The following CACNA1C variants were observed in gnomAD, a reference collection of about 807,000 sequenced individuals.
The protein encoded by CACNA1C is voltage-dependent L-type calcium channel subunit alpha-1C.
Under a neutral mutation model 229.0 loss-of-function variants are expected in CACNA1C, and 30 were observed. That is an observed-to-expected ratio of 0.13 (90% CI 0.10 to 0.18). The LOEUF is 0.18. CACNA1C is among the 10% of genes least tolerant of loss of function. CACNA1C has a pLI of 1.00. For synonymous variants in CACNA1C, 1,114 were observed against 1,132.5 expected (o/e 0.98, Z 0.33); for missense variants, 1,658 against 2,845.0 (o/e 0.58, Z 9.49).
Position 2,067,303 on chromosome 12 carries a change from A to G in CACNA1C, c.49+13692A>G, listed in dbSNP as rs538922445. The stretch of plus-strand genomic sequence containing the variant: ...GGTGGATTAGTCATCAGAATAGCCA[A>G]TGGGCCCCTTGAGCTCTGAGTGGAT... On this transcript the variant is annotated intron_variant, in intron 1 of 46. Transcript: ENST00000399655. The surrounding 1 kb of genome is among the most constrained non-coding windows in gnomAD (Gnocchi z 5.3). Among the ~76,000 whole-genome samples the G allele has an allele frequency of 9.7e-4, 147 of 152,174 alleles. No individual in the cohort carries two copies. Among genetic ancestry groups the G allele is most frequent in the African/African-American group, 3.3e-3 (138 of 41,524 alleles).
intron 38 of CACNA1C, among the ~76,000 whole-genome samples, chr12:2,670,302 G>A (rs536673982): frequency 5.9e-5 from 9 of 152,264 alleles, no homozygotes; most frequent in African/African-American, 1.9e-4. Flanking sequence ...AAGGAGCCCC[G>A]GGCAGGTGGG....
chr12:2,319,274 G>T lies in CACNA1C; in HGVS notation c.478-129702G>T, dbSNP rs1182942654. 6.6e-6 allele frequency among the ~76,000 whole-genome samples: 1 copy of T among 151,970 alleles called. No homozygotes were observed. The highest frequency in any genetic ancestry group is 1.5e-5 in the Non-Finnish European group (1 of 67,944). On this transcript the variant is annotated intron_variant, in intron 3 of 46. Transcript: ENST00000399655. This position sits in a 1 kb window ranked among gnomAD's most constrained non-coding sequence, Gnocchi z 4.0. Reference sequence around the variant, plus strand: ...TGTACATGGGGGCGGCGTGCATGGTGGGTGGCCTGTGGGGGCAGCGTGCAT... The same window carrying T: ...TGTACATGGGGGCGGCGTGCATGGTTGGTGGCCTGTGGGGGCAGCGTGCAT...
chr12:2,299,307 A>G (rs1004258909), intron 3 of CACNA1C, among the ~76,000 whole-genome samples: 4 of 152,110 alleles, frequency 2.6e-5, no homozygotes, highest in African/African-American at 7.2e-5. Context: ...AAGTTTTCCA[A>G]GTGGTTCTCG....
intron 3 of CACNA1C, among the ~76,000 whole-genome samples, chr12:2,349,538 C>T (rs948117076): frequency 1.3e-5 from 2 of 152,152 alleles, no homozygotes; most frequent in Non-Finnish European, 2.9e-5. Context: ...CAGAGAAGAG[C>T]TCCCACGTCT....
chr12:2,272,038 C>T (rs940220127), intron 3 of CACNA1C, among the ~76,000 whole-genome samples: 9 of 152,182 alleles, frequency 5.9e-5, no homozygotes, highest in Admixed American at 1.3e-4. Context: ...ATGGAGCATC[C>T]GCAAGGCCAC....
chr12:2,416,151 G>C (rs980542917), intron 3 of CACNA1C, among the ~76,000 whole-genome samples: 8 of 152,284 alleles, frequency 5.3e-5, no homozygotes, highest in Non-Finnish European at 8.8e-5. Context: ...TCCTTTGACA[G>C]CTCATCGCTA....
intron 3 of CACNA1C, among the ~76,000 whole-genome samples, chr12:2,316,984 T>C (rs2095723646): frequency 6.6e-6 from 1 of 152,200 alleles, no homozygotes; most frequent in African/African-American, 2.4e-5. Flanking sequence ...GATTTTCTTA[T>C]TAAACAAAAC....
At chr12:1,993,297 G>A (rs2039940142) in intron 1 of CACNA1C, 1 of 1,613,992 alleles carries the variant, frequency 6.2e-7, no homozygotes, top group Non-Finnish European at 8.5e-7. Flanking sequence ...AAAGGGTCCT[G>A]GAGTTGGAAA....
At chr12:2,292,898 G>A (rs538976584) in intron 3 of CACNA1C, among the ~76,000 whole-genome samples, 1 of 152,186 alleles carries the variant, frequency 6.6e-6, no homozygotes, top group South Asian at 2.1e-4. Context: ...TGGTTAAAGG[G>A]GCATGCCAGA....
chr12:2,305,653 A>G (rs1438140873), intron 3 of CACNA1C, among the ~76,000 whole-genome samples: 1 of 152,152 alleles, frequency 6.6e-6, no homozygotes, highest in Non-Finnish European at 1.5e-5. Context: ...AGACCAGCCT[A>G]GGCAACATAG....
At chr12:2,096,495 C>T (rs1285482738) in intron 1 of CACNA1C, among the ~76,000 whole-genome samples, 2 of 152,204 alleles carry the variant, frequency 1.3e-5, no homozygotes, top group African/African-American at 4.8e-5. Context: ...AGACCTCTTT[C>T]TCTTTCCTCT....
chr12:2,159,143 AGAG>A (rs2095703736), intron 3 of CACNA1C, among the ~76,000 whole-genome samples: 1 of 152,180 alleles, frequency 6.6e-6, no homozygotes, highest in Admixed American at 6.5e-5. Context: ...GGGGGTAAGA[AGAG>A]AACTGTGGAT....
intron 6 of CACNA1C, among the ~76,000 whole-genome samples, chr12:2,487,277 A>AACAGTGAAACAGTGAAACAGT (rs1258940486): frequency 2.0e-5 from 3 of 151,826 alleles, no homozygotes; most frequent in Non-Finnish European, 1.5e-5. Flanking sequence ...GAAACAGTGA[A>AACAGTGAAACAGTGAAACAGT]GGATACCTAA....
At chr12:2,340,476 A>G (rs1432114966) in intron 3 of CACNA1C, among the ~76,000 whole-genome samples, 1 of 152,218 alleles carries the variant, frequency 6.6e-6, no homozygotes, top group Non-Finnish European at 1.5e-5. Flanking sequence ...TGAACCCACA[A>G]TTACTCTTCT....
chr12:2,388,790 G>A (rs1187483138), intron 3 of CACNA1C, among the ~76,000 whole-genome samples: 1 of 152,162 alleles, frequency 6.6e-6, no homozygotes, highest in African/African-American at 2.4e-5. Flanking sequence ...GGCTTGTGGA[G>A]TTGGCAGTGT....
intron 3 of CACNA1C, among the ~76,000 whole-genome samples, chr12:2,238,599 C>CTTTG (rs1429593930): frequency 2.0e-5 from 3 of 152,218 alleles, no homozygotes; most frequent in Admixed American, 2.0e-4. Flanking sequence ...AAGAAATAGG[C>CTTTG]TTTGGAACTG....
At chr12:2,118,059 C>A (rs2084804569) in intron 2 of CACNA1C, among the ~76,000 whole-genome samples, 1 of 152,228 alleles carries the variant, frequency 6.6e-6, no homozygotes, top group Non-Finnish European at 1.5e-5. Flanking sequence ...GCTTTTCAGC[C>A]AGTGGCTTTT....
intron 3 of CACNA1C, among the ~76,000 whole-genome samples, chr12:2,299,844 C>CT (rs1357274430): frequency 9.3e-5 from 14 of 150,202 alleles, no homozygotes; most frequent in African/African-American, 3.3e-4. Context: ...TTCAGCCTCT[C>CT]TAAGCCTCAA....
rs1016292103 is a variant in CACNA1C, at chr12:2,309,578, A to G, written c.478-139398A>G. Among the ~76,000 whole-genome samples the G allele has an allele frequency of 3.9e-5, 6 of 152,180 alleles. No homozygotes were observed. In the East Asian group the frequency reaches 9.6e-4, roughly 24 times the overall value. On this transcript the variant is annotated intron_variant, in intron 3 of 46. Transcript: ENST00000399655. ...TTTCACAGTGTACACATAAATCATC[A>G]TGTTGTACACCTTAAATATATACAA...
Sources: gnomAD v4.1 joint callset for allele counts (sites outside exome capture counted in the v4.1 genomes callset) on GRCh38, gnomAD v4.1.1 for gene constraint, Gnocchi (gnomAD v3.1) non-coding constraint, MANE v1.5 for transcripts, NCBI Gene and HGNC (gene_info 2026-07-23, HGNC 2026-07-21) for gene names.